The following CAMK2A variants were observed in gnomAD, a reference collection of about 807,000 sequenced individuals.
The protein encoded by CAMK2A is calcium/calmodulin dependent protein kinase II alpha, also known as calcium/calmodulin-dependent protein kinase type II subunit alpha.
A neutral mutation model predicts 79.2 loss-of-function variants in CAMK2A; 7 were observed. That is an observed-to-expected ratio of 0.09 (90% CI 0.05 to 0.17). The LOEUF is 0.17. CAMK2A is among the 10% of genes least tolerant of loss of function. The pLI, the probability that CAMK2A is intolerant of heterozygous loss-of-function variation, is 1.00. For synonymous variants in CAMK2A, 242 were observed against 251.7 expected (o/e 0.96, Z 0.36); for missense variants, 214 against 646.4 (o/e 0.33, Z 7.25).
At chr5:150,242,315 GA>G (rs1755382345) in intron 13 of CAMK2A, among the ~76,000 whole-genome samples, 1 of 152,198 alleles carries the variant, frequency 6.6e-6, no homozygotes, top group Non-Finnish European at 1.5e-5. Flanking sequence ...GCATCTCTTA[GA>G]ATCACATGTG....
At chr5:150,263,235 C>T (rs1186944482) in intron 3 of CAMK2A, among the ~76,000 whole-genome samples, 1 of 152,180 alleles carries the variant, frequency 6.6e-6, no homozygotes, top group Non-Finnish European at 1.5e-5. Context: ...AAAGCCATAA[C>T]CTCCTGCTCC....
At position 150,253,352 on chromosome 5, in the gene CAMK2A, C is replaced by T; in HGVS notation, c.514+92G>A. On this transcript the variant is annotated intron_variant, in intron 7 of 18. Transcript: ENST00000671881. ...CGGCTGGCCCAACAGCATCTCCAGC[C>T]ATACCCACTCAGGCAGGGGGTTCCC... The T allele has an allele frequency of 2.9e-6, 3 of 1,017,580 alleles. No homozygotes were observed. In the South Asian group the frequency reaches 4.1e-5, roughly 14 times the overall value. 63.0% of individuals were successfully genotyped at this position (1,017,580 alleles called of 1,614,324 possible).
At chr5:150,261,277 G>A (rs1756294644) in intron 3 of CAMK2A, among the ~76,000 whole-genome samples, 1 of 152,184 alleles carries the variant, frequency 6.6e-6, no homozygotes, top group African/African-American at 2.4e-5. Flanking sequence ...GTTGGCTTCA[G>A]TCCCTGAGGT....
At chr5:150,281,317 C>A (rs1483149591) in intron 1 of CAMK2A, among the ~76,000 whole-genome samples, 1 of 152,224 alleles carries the variant, frequency 6.6e-6, no homozygotes, top group Non-Finnish European at 1.5e-5. Context: ...TCCAAAACCC[C>A]TTGGTGGTCA....
intron 1 of CAMK2A, among the ~76,000 whole-genome samples, chr5:150,281,294 A>G (rs1473491235): frequency 6.6e-6 from 1 of 152,248 alleles, no homozygotes; most frequent in Non-Finnish European, 1.5e-5. Context: ...TGTTACCTGT[A>G]AGAGAATCTG....
chr5:150,235,654 G>T (rs889877168), intron 15 of CAMK2A, among the ~76,000 whole-genome samples: 1 of 152,192 alleles, frequency 6.6e-6, no homozygotes, highest in Non-Finnish European at 1.5e-5. Context: ...CAGGCAGCTC[G>T]GAGGGCAAGA....
At chr5:150,248,607 T>C (rs901285245) in intron 11 of CAMK2A, among the ~76,000 whole-genome samples, 3 of 151,636 alleles carry the variant, frequency 2.0e-5, no homozygotes, top group African/African-American at 4.8e-5. Context: ...GTCCTTGCGA[T>C]AGTTTGCTGA....
chr5:150,264,933 C>T (rs1756448248), intron 3 of CAMK2A, 23 bp downstream of exon 3: 2 of 1,608,698 alleles, frequency 1.2e-6, no homozygotes, highest in South Asian at 2.2e-5. Context: ...TCCCCTGCGC[C>T]CCTCTCATCC....
intron 1 of CAMK2A, among the ~76,000 whole-genome samples, chr5:150,287,550 T>C (rs1422281341): frequency 1.3e-5 from 2 of 152,196 alleles, no homozygotes; most frequent in African/African-American, 2.4e-5. Context: ...CAAAACCCAG[T>C]CTTAATGATA....
At chr5:150,225,003 A>T (rs1216687749) in intron 17 of CAMK2A, among the ~76,000 whole-genome samples, 1 of 151,944 alleles carries the variant, frequency 6.6e-6, no homozygotes, top group Non-Finnish European at 1.5e-5. Flanking sequence ...TCTACAAAAA[A>T]TACAAAAAAA....
At chr5:150,246,524 A>T (rs1000674662) in intron 12 of CAMK2A, among the ~76,000 whole-genome samples, 6 of 152,292 alleles carry the variant, frequency 3.9e-5, no homozygotes, top group African/African-American at 9.6e-5. Flanking sequence ...ATTCAAAAAA[A>T]TTTTTAAAAC....
chr5:150,257,502 G>T, intron 4 of CAMK2A, 61 bp downstream of exon 4: 1 of 1,398,290 alleles, frequency 7.2e-7, no homozygotes, highest in Non-Finnish European at 9.9e-7. Context: ...GTCCAGTGAG[G>T]CCATCACTGG....
chr5:150,284,562 C>T lies in CAMK2A; in HGVS notation c.62+5002G>A, dbSNP rs983279485. On this transcript the variant is annotated intron_variant, in intron 1 of 18. Transcript: ENST00000671881. The surrounding 1 kb of genome is among the most constrained non-coding windows in gnomAD (Gnocchi z 5.3). ...GTCTCAGCCTGTGTGGGGGCGGCTG[C>T]GCGGGGGCGGAGGGCTGCAGCGTGC... Among the ~76,000 whole-genome samples, 4 of 152,124 alleles carry T rather than the reference C, an allele frequency of 2.6e-5. No individual in the cohort carries two copies. The highest frequency in any genetic ancestry group is 9.6e-5 in the African/African-American group (4 of 41,508).
chr5:150,283,103 T>A (rs766720284), intron 1 of CAMK2A, among the ~76,000 whole-genome samples: 1 of 152,224 alleles, frequency 6.6e-6, no homozygotes, highest in Non-Finnish European at 1.5e-5. Flanking sequence ...CTTGGTGTTC[T>A]CTCACTTGAT....
rs144207049 is a variant in CAMK2A at position 150,223,679 on chromosome 5, C to T, written c.1238-462G>A. On this transcript the variant is annotated intron_variant, in intron 17 of 18. Coordinates refer to ENST00000671881, the MANE Select transcript of CAMK2A (RefSeq NM_015981.4). This position sits in a 1 kb window ranked among gnomAD's most constrained non-coding sequence, Gnocchi z 4.1. ...CGATAGGGAGTGATGGGGACTGTGG[C>T]GAATAGAATGTCTTGTCCCACCTAA... Among the ~76,000 whole-genome samples the T allele has an allele frequency of 4.3e-3, 651 of 152,204 alleles. 1 individual carries two copies. Among genetic ancestry groups the T allele is most frequent in the African/African-American group, 0.015 (622 of 41,532 alleles).
chr5:150,253,179 C>T (rs923228505), intron 7 of CAMK2A, among the ~76,000 whole-genome samples: 2 of 152,266 alleles, frequency 1.3e-5, no homozygotes, highest in Non-Finnish European at 2.9e-5. Context: ...GGAGAGATGG[C>T]GGAGGGGAGT....
At position 150,289,668 on chromosome 5, in the gene CAMK2A, A is replaced by G; in HGVS notation, c.-43T>C. The G allele has an allele frequency of 6.5e-7, 1 of 1,532,250 alleles. No individual in the cohort carries two copies. Among genetic ancestry groups the G allele is most frequent in the Non-Finnish European group, 9.0e-7 (1 of 1,107,756 alleles). The allele number at this position is 1,532,250 out of a possible 1,614,324, so 94.9% of individuals were successfully genotyped here. On this transcript the variant is annotated 5_prime_UTR_variant, in exon 1 of 19. Coordinates refer to ENST00000671881, the MANE Select transcript of CAMK2A (RefSeq NM_015981.4). Reference sequence around the variant, plus strand: ...AGGTGAGGCTTGGGACTGGGGGACCAGGACTGAGGCGCTGCTGCTCTGCTC... The same window carrying G: ...AGGTGAGGCTTGGGACTGGGGGACCGGGACTGAGGCGCTGCTGCTCTGCTC...
At chr5:150,264,076 A>T (rs1261256305) in intron 3 of CAMK2A, among the ~76,000 whole-genome samples, 1 of 152,124 alleles carries the variant, frequency 6.6e-6, no homozygotes, top group Non-Finnish European at 1.5e-5. Flanking sequence ...AAGAGTCCTT[A>T]GCGATCACCT....
chr5:150,278,269 T>C (rs1360825791), intron 1 of CAMK2A, among the ~76,000 whole-genome samples: 5 of 151,774 alleles, frequency 3.3e-5, no homozygotes, highest in African/African-American at 1.2e-4. Context: ...AGCCCCAGGC[T>C]CCATCCCTGC....
Sources: gnomAD v4.1 joint callset for allele counts (sites outside exome capture counted in the v4.1 genomes callset) on GRCh38, gnomAD v4.1.1 for gene constraint, Gnocchi (gnomAD v3.1) non-coding constraint, MANE v1.5 for transcripts, NCBI Gene and HGNC (gene_info 2026-07-23, HGNC 2026-07-21) for gene names.